DEPDC4: variants seen among roughly 807,000 people sequenced by gnomAD.
DEPDC4 encodes the protein DEP domain-containing protein 4.
In DEPDC4, 52 loss-of-function variants were observed where a neutral mutation model predicts 52.0. That is an observed-to-expected ratio of 1.00 (90% CI 0.80 to 1.26). The LOEUF is 1.26. Ranked by LOEUF, DEPDC4 falls within the 50% of genes most tolerant of loss-of-function variation. DEPDC4 has a pLI of 0.00. For synonymous variants in DEPDC4, 201 were observed against 196.8 expected (o/e 1.02, Z -0.18); for missense variants, 530 against 546.9 (o/e 0.97, Z 0.31).
In DEPDC4 at chr12:100,256,803, G is replaced by A. The variant is rs1228652647; in HGVS notation, c.701-577C>T. ...ACTACAGGCGCCCACCACCATGCCC[G>A]GCTAATTTTTCGTGTTTTTAGTAGA... On this transcript the variant is annotated intron_variant, in intron 3 of 9. Transcript: ENST00000550587. Among the ~76,000 whole-genome samples, 8 of 151,762 alleles carry A rather than the reference G, an allele frequency of 5.3e-5. 1 individual carries two copies. The highest frequency in any genetic ancestry group is 3.9e-4 in the East Asian group (2 of 5,128).
At position 100,263,549 on chromosome 12, in the gene DEPDC4, C is replaced by T. The variant is rs779934056; in HGVS notation, c.502G>A (p.Asp168Asn). 6.2e-6 allele frequency: 10 copies of T among 1,608,352 alleles called. No homozygotes were observed. The East Asian group carries it at 6.7e-5, about 11-fold the overall frequency. The change falls in exon 2 of 10, where the codon GAT (aspartate) becomes AAT (asparagine). Residue 168 changes from aspartate to asparagine, a missense_variant. Asp to Asn is a conservative substitution (Grantham distance 23, BLOSUM62 1). Transcript: ENST00000550587. ...GCATCCTTTTGTCTTTTGCAACAAT[C>T]GTAAGATGATTTATTGCCTAGAAAC... ...YRFLGNKSSYDCCKRQKDAEN... is the reference protein window; with the variant it reads ...YRFLGNKSSYNCCKRQKDAEN...
chr12:100,252,591 G>GT (rs1449763298), intron 5 of DEPDC4, 55 bp from the exon 6 acceptor site: 1 of 1,502,356 alleles, frequency 6.7e-7, no homozygotes, highest in East Asian at 2.3e-5. Flanking sequence ...GGAGAGTATA[G>GT]TAAGTATTTA....
intron 9 of DEPDC4, among the ~76,000 whole-genome samples, chr12:100,233,841 T>C (rs1209821886): frequency 6.6e-6 from 1 of 152,216 alleles, no homozygotes; most frequent in Non-Finnish European, 1.5e-5. Flanking sequence ...GAATTCTTTA[T>C]GTATAAAAGT....
rs776614474 is a variant in DEPDC4, at chr12:100,267,024, G to A, written c.53C>T (p.Pro18Leu). Reference sequence around the variant, plus strand: ...CTGACTGACAAGTCTACGGAACCTCGGAGTCAAAAGAACCGCCATAAGCTC... The same window carrying A: ...CTGACTGACAAGTCTACGGAACCTCAGAGTCAAAAGAACCGCCATAAGCTC... ...ARELMAVLLT[P>L]RFRRLVSQNE... The change falls in exon 1 of 10, where the codon CCG becomes CTG. Residue 18 changes from proline to leucine, a missense_variant. Physicochemically the swap from Pro to Leu is moderately conservative, Grantham distance 98. Coordinates refer to ENST00000550587, the MANE Select transcript of DEPDC4 (RefSeq NM_001364818.2). 6.2e-7 allele frequency: 1 copy of A among 1,614,026 alleles called. No homozygotes were observed.
At chr12:100,270,337 T>G (rs1024456670), upstream of DEPDC4, among the ~76,000 whole-genome samples, 5 of 152,146 alleles carry the variant, frequency 3.3e-5, no homozygotes, top group Non-Finnish European at 1.5e-5. Flanking sequence ...TTTAAGGAAG[T>G]GATCATTTAA....
At chr12:100,267,127 C>T (rs1184964374), upstream of DEPDC4, 1 of 1,583,284 alleles carries the variant, frequency 6.3e-7, no homozygotes, top group Admixed American at 1.8e-5. Flanking sequence ...GGCTCCGCCT[C>T]TTCCGAACCG....
downstream of DEPDC4, chr12:100,238,052 T>C (rs1441133948): frequency 6.1e-6 from 6 of 984,310 alleles, no homozygotes; most frequent in Non-Finnish European, 7.2e-6. Flanking sequence ...TTTCCAATAT[T>C]TTCCCGGTAT....
Position 100,252,445 on chromosome 12 carries a change from A to T in DEPDC4, c.1197T>A (p.Leu399=). The T allele has an allele frequency of 6.2e-7, 1 of 1,602,682 alleles. No homozygotes were observed. The highest frequency in any genetic ancestry group is 2.2e-5 in the East Asian group (1 of 44,806). Residue 399 remains leucine, a synonymous_variant, in exon 6 of 10, where the codon CTT becomes CTA. Transcript: ENST00000550587. ...GCTCTGATGCCATTGCCATAAAAGT[A>T]AGTAGCCGTCGTAATTCTTCTCTAA... ...LNIREELRRL[L]TFMAMASEPN...
the DEPDC4 span, among the ~76,000 whole-genome samples, chr12:100,281,019 G>GTTTTGTTTTTTTTTTTTTTTTTTTT: frequency 4.0e-5 from 2 of 50,466 alleles, no homozygotes; most frequent in African/African-American, 1.4e-4. Context: ...TACCATCAGT[G>GTTTTGTTTTTTTTTTTTTTTTTTTT]TTTTTTTTTT....
chr12:100,263,996 G>T, intron 1 of DEPDC4, 103 bp from the exon 2 acceptor site: 2 of 995,466 alleles, frequency 2.0e-6, no homozygotes, highest in Non-Finnish European at 2.9e-6. Flanking sequence ...CATATCTGCT[G>T]GTAATGTCCT....
At chr12:100,273,046 C>T in the DEPDC4 span, among the ~76,000 whole-genome samples, 2 of 152,066 alleles carry the variant, frequency 1.3e-5, no homozygotes, top group Non-Finnish European at 2.9e-5. Flanking sequence ...TCTCTTCAGT[C>T]TTGCCATATT....
chr12:100,278,669 C>A, the DEPDC4 span, among the ~76,000 whole-genome samples: 1 of 147,156 alleles, frequency 6.8e-6, no homozygotes, highest in Non-Finnish European at 1.5e-5. Context: ...CTTGCTCCCT[C>A]GCCAAGCTGG....
chr12:100,242,453 A>AAATAAT (rs1208895939), intron 9 of DEPDC4, 33 bp downstream of exon 9: 1 of 152,446 alleles, frequency 6.6e-6, no homozygotes, highest in Non-Finnish European at 1.5e-5. Context: ...TACATTTTTC[A>AAATAAT]AATAATAATA....
chr12:100,244,127 A>ATATT (rs2096174191), intron 8 of DEPDC4, among the ~76,000 whole-genome samples: 1 of 133,112 alleles, frequency 7.5e-6, no homozygotes, highest in Non-Finnish European at 1.6e-5. Flanking sequence ...ATATATATAT[A>ATATT]TATATATACA....
Position 100,262,214 on chromosome 12 carries a change from AAGTT to A in DEPDC4, c.700+46_700+49del, listed in dbSNP as rs753396419. 20 of 1,556,076 alleles carry A rather than the reference AAGTT, an allele frequency of 1.3e-5. No homozygotes were observed. The South Asian group carries it at 2.0e-4, about 16-fold the overall frequency. On this transcript the variant is annotated intron_variant, in intron 3 of 9. Coordinates refer to ENST00000550587, the MANE Select transcript of DEPDC4 (RefSeq NM_001364818.2). ...CTGCTTATAAGAACCTGTTAAAAAG[AAGTT>A]AGTTCTTCCTTACCATGTTCTGAAA...
At chr12:100,281,034 T>TTG in the DEPDC4 span, among the ~76,000 whole-genome samples, 2 of 135,580 alleles carry the variant, frequency 1.5e-5, no homozygotes, top group African/African-American at 5.6e-5. Context: ...TTTTTTTTTT[T>TTG]TTTTTTTTTT....
rs571922199 is a variant in DEPDC4 at position 100,263,387 on chromosome 12, T to C, written c.554+110A>G. On this transcript the variant is annotated intron_variant, in intron 2 of 9. Coordinates refer to ENST00000550587, the MANE Select transcript of DEPDC4 (RefSeq NM_001364818.2). ...AAGTGGATTAATTTTCACATGGATT[T>C]TTTTTTTTAATTGGCTTCTGAAAAA... The C allele has an allele frequency of 5.9e-5, 54 of 908,750 alleles. No homozygotes were observed. The South Asian group carries it at 9.6e-4, about 16-fold the overall frequency. The allele number at this position is 908,750 out of a possible 1,614,324, so 56.3% of individuals were successfully genotyped here.
At chr12:100,275,221 A>C in the DEPDC4 span, among the ~76,000 whole-genome samples, 281 of 150,510 alleles carry the variant, frequency 1.9e-3, 2 homozygotes, top group Non-Finnish European at 3.1e-3. Flanking sequence ...CTTTTTTTTG[A>C]GACAGGGTCT....
chr12:100,235,865 T>C (rs1038662769), downstream of DEPDC4, among the ~76,000 whole-genome samples: 3 of 152,204 alleles, frequency 2.0e-5, no homozygotes, highest in African/African-American at 7.2e-5. Flanking sequence ...TGAGCCACCA[T>C]GCCTGGCCCA....
Sources: gnomAD v4.1 joint callset for allele counts (sites outside exome capture counted in the v4.1 genomes callset) on GRCh38, gnomAD v4.1.1 for gene constraint, MANE v1.5 for transcripts, NCBI Gene and HGNC (gene_info 2026-07-23, HGNC 2026-07-21) for gene names.